The following DAB1 variants were observed in gnomAD, a reference collection of about 807,000 sequenced individuals.
DAB1 encodes the protein DAB adaptor protein 1, also known as disabled homolog 1.
A neutral mutation model predicts 64.6 loss-of-function variants in DAB1; 15 were observed. The observed-to-expected ratio is 0.23, with a 90% confidence interval of 0.16 to 0.36. DAB1 has a LOEUF of 0.36. DAB1 is among the 10% of genes least tolerant of loss of function. The pLI, the probability that DAB1 is intolerant of heterozygous loss-of-function variation, is 1.00. For missense variants in DAB1, 596 were observed against 706.7 expected (o/e 0.84, Z 1.78); for synonymous variants, 235 against 251.9 (o/e 0.93, Z 0.64).
chr1:58,308,814 C>T (rs1557728163), intron 4 of DAB1, among the ~76,000 whole-genome samples: 1 of 152,176 alleles, frequency 6.6e-6, no homozygotes, highest in African/African-American at 2.4e-5. Flanking sequence ...CCTTTACTAC[C>T]TAGAGCTGGA....
chr1:57,422,469 C>A (rs61770760), intron 1 of DAB1, among the ~76,000 whole-genome samples: 18,631 of 152,118 alleles, frequency 0.12, 1,358 homozygotes, highest in Non-Finnish European at 0.17. Context: ...TAAACACAGG[C>A]GTGCGCCGAC....
intron 7 of DAB1, among the ~76,000 whole-genome samples, chr1:57,592,654 T>C (rs12032832): frequency 0.28 from 41,844 of 151,908 alleles, 5,777 homozygotes; most frequent in East Asian, 0.33. Context: ...GCTGCCAGAA[T>C]AAAATATTAC....
chr1:58,369,503 T>TA (rs1438970793), intron 3 of DAB1, among the ~76,000 whole-genome samples: 6 of 152,348 alleles, frequency 3.9e-5, no homozygotes, highest in Admixed American at 3.9e-4. Context: ...CATGACATCT[T>TA]AGAGTTAGTG....
intron 4 of DAB1, among the ~76,000 whole-genome samples, chr1:58,321,450 G>C (rs547736845): frequency 6.6e-6 from 1 of 152,212 alleles, no homozygotes; most frequent in African/African-American, 2.4e-5. Flanking sequence ...GCCGAAGCAG[G>C]GCGAGGCATC....
At chr1:57,887,580 C>T (rs952473937), upstream of DAB1, among the ~76,000 whole-genome samples, 7 of 152,180 alleles carry the variant, frequency 4.6e-5, no homozygotes, top group Non-Finnish European at 1.0e-4. Context: ...CACATATTCA[C>T]TCACCACACT....
At position 57,356,636 on chromosome 1, in the gene DAB1, C is replaced by T. The variant is rs560979336; in HGVS notation, c.-136-65470G>A. The stretch of plus-strand genomic sequence containing the variant: ...CTCCCTAGGATATTTCTAAGTATTG[C>T]AACAAACTCCATTCAGACAGAAAAA... On this transcript the variant is annotated intron_variant, in intron 1 of 14. Coordinates refer to ENST00000371236, the MANE Select transcript of DAB1 (RefSeq NM_001365792.1). Among the ~76,000 whole-genome samples the T allele has an allele frequency of 2.6e-5, 4 of 152,038 alleles. No individual in the cohort carries two copies. The South Asian group carries it at 6.2e-4, about 24-fold the overall frequency.
chr1:57,067,486 G>A (rs1471714614), intron 8 of DAB1, among the ~76,000 whole-genome samples: 1 of 152,122 alleles, frequency 6.6e-6, no homozygotes, highest in Non-Finnish European at 1.5e-5. Context: ...GCCACATGGG[G>A]TTGTTGTGAG....
chr1:57,075,061 T>C (rs913507990), intron 4 of DAB1, among the ~76,000 whole-genome samples: 12 of 152,202 alleles, frequency 7.9e-5, no homozygotes, highest in Non-Finnish European at 7.3e-5. Flanking sequence ...TTCCTAAAAG[T>C]ATCTCTCTCG....
At chr1:57,240,395 C>T (rs747173018) in intron 2 of DAB1, among the ~76,000 whole-genome samples, 1 of 152,178 alleles carries the variant, frequency 6.6e-6, no homozygotes, top group Non-Finnish European at 1.5e-5. Context: ...TGATCATCTA[C>T]AGTGGTCATA....
At chr1:57,846,225 C>G (rs755901952) in intron 1 of DAB1, among the ~76,000 whole-genome samples, 19 of 151,848 alleles carry the variant, frequency 1.3e-4, no homozygotes, top group Non-Finnish European at 2.2e-4. Flanking sequence ...TTTGGGAGGC[C>G]GAGGTGGGCA....
At chr1:57,716,217 C>T (rs1238407033) in intron 6 of DAB1, among the ~76,000 whole-genome samples, 1 of 152,016 alleles carries the variant, frequency 6.6e-6, no homozygotes, top group Non-Finnish European at 1.5e-5. Flanking sequence ...CCATGACATT[C>T]TTCACAGAAA....
At chr1:58,196,179 A>G (rs956816104) in intron 4 of DAB1, among the ~76,000 whole-genome samples, 1 of 152,220 alleles carries the variant, frequency 6.6e-6, no homozygotes, top group Non-Finnish European at 1.5e-5. Context: ...GCAAGCTGAG[A>G]AAGGTATTAC....
At chr1:58,367,080 C>T (rs866856672) in intron 3 of DAB1, among the ~76,000 whole-genome samples, 1 of 152,240 alleles carries the variant, frequency 6.6e-6, no homozygotes, top group East Asian at 1.9e-4. Context: ...TAGTGAATTA[C>T]ATATGGTACT....
At chr1:57,303,894 C>G (rs1049965150) in intron 1 of DAB1, among the ~76,000 whole-genome samples, 3 of 152,150 alleles carry the variant, frequency 2.0e-5, no homozygotes, top group Non-Finnish European at 2.9e-5. Context: ...AAAACTCCCC[C>G]CTGCCTTACT....
intron 5 of DAB1, among the ~76,000 whole-genome samples, chr1:58,087,120 C>T (rs1482283972): frequency 3.3e-5 from 5 of 152,082 alleles, no homozygotes; most frequent in Non-Finnish European, 7.4e-5. Flanking sequence ...GAAACAATTG[C>T]CTGGAGACAA....
At chr1:58,400,985 C>T (rs550054474) in intron 3 of DAB1, among the ~76,000 whole-genome samples, 2 of 152,210 alleles carry the variant, frequency 1.3e-5, no homozygotes, top group South Asian at 2.1e-4. Flanking sequence ...AGAGCATTGT[C>T]ATCAGAAAGT....
At chr1:57,555,250 G>T (rs1644974003) in intron 7 of DAB1, among the ~76,000 whole-genome samples, 3 of 151,754 alleles carry the variant, frequency 2.0e-5, no homozygotes, top group Non-Finnish European at 1.5e-5. Context: ...GGCCAGGATG[G>T]TCTCCATCTC....
intron 9 of DAB1, among the ~76,000 whole-genome samples, chr1:57,033,070 C>T (rs1311949927): frequency 2.0e-5 from 3 of 152,160 alleles, no homozygotes; most frequent in Non-Finnish European, 4.4e-5. Context: ...TTTCCTCCAT[C>T]TCTAGCATCT....
At chr1:58,293,935 G>A (rs183460239) in intron 4 of DAB1, among the ~76,000 whole-genome samples, 52 of 152,314 alleles carry the variant, frequency 3.4e-4, no homozygotes, top group Non-Finnish European at 6.2e-4. Context: ...TGAGCTCACA[G>A]TTATTTGGAC....
Sources: allele counts gnomAD v4.1 joint callset (sites outside exome capture counted in the v4.1 genomes callset), GRCh38; gene constraint gnomAD v4.1.1; transcripts MANE v1.5; gene names NCBI Gene and HGNC (gene_info 2026-07-23, HGNC 2026-07-21).